Variants in OXR1 observed in about 807,000 individuals in gnomAD.
OXR1 encodes oxidation resistance protein 1.
A neutral mutation model predicts 104.6 loss-of-function variants in OXR1; 41 were observed. The ratio of observed to expected loss-of-function variants is 0.39; its 90% confidence interval spans 0.31 to 0.51. OXR1 has a LOEUF of 0.51. Ranked by LOEUF, OXR1 falls within the 20% of genes least tolerant of loss-of-function variation. OXR1 has a pLI of 0.77. For missense variants in OXR1, 955 were observed against 1,031.9 expected (o/e 0.93, Z 1.02); for synonymous variants, 348 against 348.4 (o/e 1.00, Z 0.01).
intron 2 of OXR1, among the ~76,000 whole-genome samples, chr8:106,469,305 A>G (rs1000420638): frequency 7.2e-5 from 11 of 151,772 alleles, no homozygotes. Context: ...TGAATGCATG[A>G]GAATGGTTAC....
chr8:106,730,349 T>C (rs1302615560), intron 11 of OXR1, among the ~76,000 whole-genome samples: 1 of 152,140 alleles, frequency 6.6e-6, no homozygotes, highest in Non-Finnish European at 1.5e-5. Flanking sequence ...TCACATGCTA[T>C]AATTTTTCTG....
At chr8:106,363,779 C>A (rs1279831693) in intron 2 of OXR1, among the ~76,000 whole-genome samples, 2 of 152,046 alleles carry the variant, frequency 1.3e-5, no homozygotes, top group African/African-American at 4.8e-5. Flanking sequence ...GTAAATATTT[C>A]TGCTGTGGGG....
In OXR1 at chr8:106,493,303, TC is replaced by T. The variant is rs544494892; in HGVS notation, c.24-25637del. Among the ~76,000 whole-genome samples, 9 of 152,292 alleles carry T rather than the reference TC, an allele frequency of 5.9e-5. 1 individual carries two copies. In the South Asian group the frequency reaches 1.7e-3, roughly 28 times the overall value. ...GTATGCATTTGTCATATACCTGTATTCCCTGCAGGTGTCTTCTCATTCCTCC... is the reference window on the plus strand; with the variant it reads ...GTATGCATTTGTCATATACCTGTATTCCTGCAGGTGTCTTCTCATTCCTCC... On this transcript the variant is annotated intron_variant, in intron 2 of 16. Coordinates refer to ENST00000517566, the MANE Select transcript of OXR1 (RefSeq NM_001198533.2).
intron 3 of OXR1, among the ~76,000 whole-genome samples, chr8:106,556,675 G>A (rs1816307217): frequency 6.6e-6 from 1 of 152,066 alleles, no homozygotes; most frequent in Admixed American, 6.6e-5. Flanking sequence ...GAATCAAAAG[G>A]CAAAAAAGGA....
chr8:106,631,760 G>C (rs1371613348), intron 3 of OXR1, among the ~76,000 whole-genome samples: 1 of 152,076 alleles, frequency 6.6e-6, no homozygotes, highest in South Asian at 2.1e-4. Flanking sequence ...TACTAAGAAA[G>C]ATTTGATTCT....
At position 106,620,270 on chromosome 8, in the gene OXR1, C is replaced by T. The variant is rs187733576; in HGVS notation, c.221-58940C>T. ...TTTTCAAATTTTAACTTTTTAAAAT[C>T]TAAAATCACCTTGTGATCAAGCTGT... is the stretch of plus-strand genomic sequence containing the variant. On this transcript the variant is annotated intron_variant, in intron 3 of 16. Coordinates refer to ENST00000517566, the MANE Select transcript of OXR1 (RefSeq NM_001198533.2). 1.5e-3 allele frequency among the ~76,000 whole-genome samples: 232 copies of T among 152,088 alleles called. 2 individuals are homozygous for T. The highest frequency in any genetic ancestry group is 4.3e-3 in the African/African-American group (178 of 41,482).
chr8:106,404,631 A>G (rs761146478), intron 2 of OXR1, among the ~76,000 whole-genome samples: 1 of 152,020 alleles, frequency 6.6e-6, no homozygotes, highest in Non-Finnish European at 1.5e-5. Flanking sequence ...AAACATTAGG[A>G]GTGAACAGCC....
intron 6 of OXR1, among the ~76,000 whole-genome samples, chr8:106,685,914 G>T (rs1828668413): frequency 8.7e-6 from 1 of 115,046 alleles, no homozygotes; most frequent in Non-Finnish European, 2.2e-5. Context: ...GGAAAATGTG[G>T]TATATATATA....
chr8:106,358,874 A>G (rs952160034), intron 1 of OXR1, among the ~76,000 whole-genome samples: 1 of 152,146 alleles, frequency 6.6e-6, no homozygotes, highest in Non-Finnish European at 1.5e-5. Context: ...TAAATAATTT[A>G]GTGAATAATT....
At chr8:106,414,563 A>C (rs1382820726) in intron 2 of OXR1, among the ~76,000 whole-genome samples, 1 of 152,158 alleles carries the variant, frequency 6.6e-6, no homozygotes, top group Non-Finnish European at 1.5e-5. Flanking sequence ...AAATTATTTA[A>C]TAAACAATGT....
At chr8:106,614,183 T>TA (rs1821015297) in intron 3 of OXR1, among the ~76,000 whole-genome samples, 1 of 152,228 alleles carries the variant, frequency 6.6e-6, no homozygotes, top group East Asian at 1.9e-4. Context: ...GGCTTGTTTT[T>TA]ACCATATGTT....
At chr8:106,686,830 A>T (rs1487855844) in intron 6 of OXR1, among the ~76,000 whole-genome samples, 2 of 152,186 alleles carry the variant, frequency 1.3e-5, no homozygotes, top group Non-Finnish European at 2.9e-5. Context: ...GAGAATTTCC[A>T]TGGAAAACTA....
chr8:106,409,205 TA>T (rs2130501275), intron 2 of OXR1, among the ~76,000 whole-genome samples: 1 of 152,240 alleles, frequency 6.6e-6, no homozygotes, highest in Admixed American at 6.5e-5. Flanking sequence ...CACAGTAGGA[TA>T]ACCCCATTAG....
At chr8:106,681,249 AT>A (rs1828118116) in intron 4 of OXR1, among the ~76,000 whole-genome samples, 1 of 152,096 alleles carries the variant, frequency 6.6e-6, no homozygotes, top group Admixed American at 6.5e-5. Context: ...GCAAAATATC[AT>A]TTGTTTACAG....
chr8:106,331,587 GA>G (rs1489705204), intron 1 of OXR1, among the ~76,000 whole-genome samples: 1 of 152,082 alleles, frequency 6.6e-6, no homozygotes, highest in Non-Finnish European at 1.5e-5. Context: ...ATCCCATTCT[GA>G]AAAACTTTTT....
chr8:106,381,985 A>G (rs1294470925), intron 2 of OXR1, among the ~76,000 whole-genome samples: 1 of 152,190 alleles, frequency 6.6e-6, no homozygotes, highest in Non-Finnish European at 1.5e-5. Flanking sequence ...TTCTTTCTAA[A>G]TTATGAGCAT....
chr8:106,507,576 G>A (rs1812253252), intron 2 of OXR1, among the ~76,000 whole-genome samples: 2 of 152,222 alleles, frequency 1.3e-5, no homozygotes, highest in Admixed American at 6.5e-5. Context: ...ATTTTGGAGA[G>A]GGTTGTGCAG....
intron 2 of OXR1, among the ~76,000 whole-genome samples, chr8:106,381,683 T>G (rs1282062698): frequency 2.0e-5 from 3 of 152,154 alleles, no homozygotes; most frequent in Non-Finnish European, 2.9e-5. Context: ...TTCTAATATA[T>G]TTATCTAAAT....
intron 15 of OXR1, 67 bp from the exon 16 acceptor site, chr8:106,745,722 T>C (rs1250879796): frequency 5.4e-6 from 4 of 746,444 alleles, no homozygotes; most frequent in African/African-American, 1.8e-5. Context: ...GTTTGAGTTT[T>C]GGAGAACTAA....
Sources: allele counts gnomAD v4.1 joint callset (sites outside exome capture counted in the v4.1 genomes callset), GRCh38; gene constraint gnomAD v4.1.1; transcripts MANE v1.5; gene names NCBI Gene and HGNC (gene_info 2026-07-23, HGNC 2026-07-21).